TCEA1: variants seen among roughly 807,000 people sequenced by gnomAD.
TCEA1 encodes transcription elongation factor A1.
A neutral mutation model predicts 43.8 loss-of-function variants in TCEA1; 21 were observed. The observed-to-expected ratio is 0.48, with a 90% CI of 0.34 to 0.69. The LOEUF (loss-of-function observed/expected upper bound fraction) is 0.69. TCEA1 is among the 30% of genes least tolerant of loss of function. The pLI, the probability that TCEA1 is intolerant of heterozygous loss-of-function variation, is 0.01. For synonymous variants in TCEA1, 104 were observed against 117.5 expected, an observed-to-expected ratio of 0.88 and a Z score of 0.75; for missense variants, 250 against 365.1, an observed-to-expected ratio of 0.68 and a Z score of 2.57.
At chr8:53,993,585 T>A in intron 4 of TCEA1, 83 bp downstream of exon 4, 1 of 1,094,346 alleles carries the variant, frequency 9.1e-7, no homozygotes, top group Non-Finnish European at 1.3e-6. Context: ...GGAGTGTAAA[T>A]AGGGGAACAT....
Position 53,973,382 on chromosome 8 carries a change from CAAAA to C in TCEA1, c.826-2923_826-2920del, listed in dbSNP as rs1446593861. ...TTTTTAAAGAAGAAAGAAAAAAAGA[CAAAA>C]AGAAAAAGAAGACTCTTGCTAAAGA... On this transcript the variant is annotated intron_variant, in intron 8 of 9. Transcript: ENST00000521604. The C allele has an allele frequency of 4.5e-5, 23 of 507,784 alleles. No individual in the cohort carries two copies. The East Asian group carries it at 1.1e-3, about 24-fold the overall frequency. 31.5% of individuals were successfully genotyped at this position (507,784 alleles called of 1,614,324 possible). A position where few individuals can be genotyped will look rare whatever the true frequency, so the allele number is the denominator to read the frequency against.
At chr8:53,999,884 C>T (rs28575670) in intron 3 of TCEA1, 61 bp downstream of exon 3, 1 of 1,134,014 alleles carries the variant, frequency 8.8e-7, no homozygotes, top group Admixed American at 2.0e-5. Context: ...TAAAATGTAA[C>T]CATTAACTAT....
At chr8:53,977,909 T>C (rs186041710) in intron 8 of TCEA1, among the ~76,000 whole-genome samples, 3 of 152,324 alleles carry the variant, frequency 2.0e-5, no homozygotes, top group Non-Finnish European at 2.9e-5. Flanking sequence ...CCTTAAATTA[T>C]ATAGTCCTGC....
chr8:53,984,180 G>A (rs1019209519), intron 7 of TCEA1, among the ~76,000 whole-genome samples, 183 bp downstream of exon 7: 1 of 152,240 alleles, frequency 6.6e-6, no homozygotes, highest in African/African-American at 2.4e-5. Context: ...AACAGTTGGA[G>A]GGGGAGCAAA....
intron 1 of TCEA1, among the ~76,000 whole-genome samples, chr8:54,013,691 A>AC (rs942696451): frequency 1.4e-5 from 2 of 147,904 alleles, no homozygotes; most frequent in African/African-American, 5.2e-5. Context: ...AAAAAAAAAA[A>AC]AAAAAAAAAA....
intron 9 of TCEA1, among the ~76,000 whole-genome samples, chr8:53,969,096 C>A (rs541655857): frequency 6.6e-6 from 1 of 152,248 alleles, no homozygotes; most frequent in Non-Finnish European, 1.5e-5. Flanking sequence ...TCAAGAGCAG[C>A]CTGGCCAACA....
chr8:53,982,147 A>G (rs937755470), intron 7 of TCEA1, among the ~76,000 whole-genome samples: 5 of 152,172 alleles, frequency 3.3e-5, no homozygotes, highest in African/African-American at 4.8e-5. Context: ...AGATCTGAAT[A>G]AAGTAAACTG....
intron 6 of TCEA1, 102 bp downstream of exon 6, chr8:53,986,867 T>C (rs969809195): frequency 2.1e-5 from 17 of 818,454 alleles, no homozygotes; most frequent in Middle Eastern, 3.7e-4. Flanking sequence ...ACCTAATTCA[T>C]TGGAAGGACT....
chr8:53,987,860 T>A (rs1363010332), intron 5 of TCEA1, among the ~76,000 whole-genome samples: 1 of 152,240 alleles, frequency 6.6e-6, no homozygotes, highest in Non-Finnish European at 1.5e-5. Context: ...TACATTACTA[T>A]GAAATCAGGG....
rs756797512 is a variant in TCEA1, at chr8:53,984,563, C to T, written c.524-46G>A. ...AAAGGCAAAATTACAAAAGTAAGAT[C>T]ACTTTTTTTTCCTGTTCTGCCAAAA... On this transcript the variant is annotated intron_variant, in intron 6 of 9. Coordinates refer to ENST00000521604, the MANE Select transcript of TCEA1 (RefSeq NM_006756.4). The T allele has an allele frequency of 3.4e-6, 5 of 1,477,758 alleles. No homozygotes were observed. In the South Asian group the frequency reaches 7.0e-5, roughly 21 times the overall value. 91.5% of individuals were successfully genotyped at this position (1,477,758 alleles called of 1,614,324 possible).
chr8:53,972,831 T>C, intron 8 of TCEA1: 2 of 722,924 alleles, frequency 2.8e-6, no homozygotes, highest in Non-Finnish European at 5.3e-6. Flanking sequence ...TGGCCTGGAA[T>C]TTGAAAGTAG....
At position 53,993,648 on chromosome 8, in the gene TCEA1, A is replaced by C. The variant is rs573010407; in HGVS notation, c.320+20T>G. ...AAACTATGACTTTCAATATAAATAT[A>C]TGTCTATACTGTGAAGTACCTTTCT... is the stretch of plus-strand genomic sequence containing the variant. On this transcript the variant is annotated intron_variant, in intron 4 of 9. Transcript: ENST00000521604. 1.9e-6 allele frequency: 3 copies of C among 1,573,816 alleles called. No individual in the cohort carries two copies. The highest frequency in any genetic ancestry group is 2.6e-6 in the Non-Finnish European group (3 of 1,152,792).
At chr8:54,007,032 G>A (rs768850110) in intron 2 of TCEA1, among the ~76,000 whole-genome samples, 4 of 152,020 alleles carry the variant, frequency 2.6e-5, no homozygotes, top group East Asian at 1.9e-4. Flanking sequence ...TAATAGAGAC[G>A]GGGTTTCACC....
Position 53,966,753 on chromosome 8 carries a change from ATGC to A in TCEA1, c.*1348_*1350del, listed in dbSNP as rs1449195470. 5.0e-6 allele frequency: 1 copy of A among 201,252 alleles called. No homozygotes were observed. Among genetic ancestry groups the A allele is most frequent in the East Asian group, 7.8e-5 (1 of 12,802 alleles). The allele number at this position is 201,252 out of a possible 1,614,324, so 12.5% of individuals were successfully genotyped here. A position where few individuals can be genotyped will look rare whatever the true frequency, so the allele number is the denominator to read the frequency against. ...CAATTCTTAACACGGACATTTAAAA[ATGC>A]TGCTTTCTGTATTACAACAAAATGA... On this transcript the variant is annotated 3_prime_UTR_variant, in exon 10 of 10. Transcript: ENST00000521604.
In TCEA1 at chr8:54,003,828, C is replaced by T. The variant is rs114083565; in HGVS notation, c.127-3778G>A. Among the ~76,000 whole-genome samples, 618 of 151,288 alleles carry T rather than the reference C, an allele frequency of 4.1e-3. 4 individuals are homozygous for T. Among genetic ancestry groups the T allele is most frequent in the African/African-American group, 0.014 (590 of 41,244 alleles). ...TAAAACTTTTGTGCTTCAATGAACA[C>T]CATCGAGAAAGCAAAAAGATAATTC... On this transcript the variant is annotated intron_variant, in intron 2 of 9. Transcript: ENST00000521604.
At chr8:53,971,235 CAAACAAGAAATA>C (rs1369899315) in intron 8 of TCEA1, 1 of 152,056 alleles carries the variant, frequency 6.6e-6, no homozygotes, top group African/African-American at 2.4e-5. Flanking sequence ...AAAATGGCAA[CAAACAAGAAATA>C]ATCAGTGACC....
At chr8:54,013,680 C>CAAAAAAAAAAAAAA (rs5891511) in intron 1 of TCEA1, among the ~76,000 whole-genome samples, 30 of 65,244 alleles carry the variant, frequency 4.6e-4, no homozygotes, top group Admixed American at 9.2e-4. Context: ...AACTCCATCT[C>CAAAAAAAAAAAAAA]AAAAAAAAAA....
intron 1 of TCEA1, among the ~76,000 whole-genome samples, chr8:54,017,120 C>A (rs576405461): frequency 6.6e-6 from 1 of 151,836 alleles, no homozygotes; most frequent in African/African-American, 2.4e-5. Flanking sequence ...CTGTCAGAGG[C>A]GTGTGAGAAA....
chr8:53,988,406 C>T, intron 4 of TCEA1, 147 bp from the exon 5 acceptor site: 3 of 940,224 alleles, frequency 3.2e-6, no homozygotes, highest in African/African-American at 3.3e-5. Flanking sequence ...AAAAAAATTG[C>T]CTGCATACAG....
Sources: gnomAD v4.1 joint callset for allele counts (sites outside exome capture counted in the v4.1 genomes callset) on GRCh38, gnomAD v4.1.1 for gene constraint, MANE v1.5 for transcripts, NCBI Gene and HGNC (gene_info 2026-07-23, HGNC 2026-07-21) for gene names.